Variants in CLSTN2 observed in about 807,000 individuals in gnomAD.
The protein encoded by CLSTN2 is calsyntenin-2.
A neutral mutation model predicts 101.2 loss-of-function variants in CLSTN2; 48 were observed. That is an observed-to-expected ratio of 0.47 (90% CI 0.38 to 0.60). The LOEUF (loss-of-function observed/expected upper bound fraction) is 0.60. Ranked by LOEUF, CLSTN2 falls within the 20% of genes least tolerant of loss-of-function variation. The probability of loss-of-function intolerance (pLI) is 0.00; values close to 1 mark genes in which losing one functional copy is unlikely to be tolerated. For missense variants in CLSTN2, 1,160 were observed against 1,238.2 expected, an observed-to-expected ratio of 0.94 and a Z score of 0.95; for synonymous variants, 481 against 463.6, an observed-to-expected ratio of 1.04 and a Z score of -0.48.
At chr3:140,392,417 A>G (rs769524132) in intron 2 of CLSTN2, among the ~76,000 whole-genome samples, 5 of 152,162 alleles carry the variant, frequency 3.3e-5, no homozygotes, top group Non-Finnish European at 7.4e-5. Context: ...CTAGGTTTTT[A>G]TCAGAAATAT....
chr3:140,386,624 G>A (rs936530067), intron 2 of CLSTN2, among the ~76,000 whole-genome samples: 5 of 152,194 alleles, frequency 3.3e-5, no homozygotes, highest in Admixed American at 3.3e-4. Flanking sequence ...CTCTGGGTGT[G>A]AGAACAAGCT....
At position 140,026,890 on chromosome 3, in the gene CLSTN2, G is replaced by A. The variant is rs533242394; in HGVS notation, c.109+91407G>A. ...GGTCACTTTTCCTCTTGGCTGGATC[G>A]CAGGTCCCTGAGCCAAGGTGGGAGA... On this transcript the variant is annotated intron_variant, in intron 1 of 16. Transcript: ENST00000458420. Among the ~76,000 whole-genome samples the A allele has an allele frequency of 5.8e-4, 89 of 152,308 alleles. No homozygotes were observed. The South Asian group carries it at 8.5e-3, about 15-fold the overall frequency.
intron 1 of CLSTN2, among the ~76,000 whole-genome samples, chr3:140,066,606 G>A (rs922569201): frequency 3.9e-5 from 6 of 152,174 alleles, no homozygotes; most frequent in African/African-American, 1.2e-4. Flanking sequence ...AAACAGGAGA[G>A]GCTGCTGCAT....
At chr3:140,034,635 T>A (rs1363736996) in intron 1 of CLSTN2, among the ~76,000 whole-genome samples, 2 of 152,206 alleles carry the variant, frequency 1.3e-5, no homozygotes, top group East Asian at 3.9e-4. Context: ...TCTTCTTCAG[T>A]TGGAATTCCA....
At chr3:140,560,443 T>C (rs1011555786) in intron 12 of CLSTN2, among the ~76,000 whole-genome samples, 1 of 152,246 alleles carries the variant, frequency 6.6e-6, no homozygotes, top group African/African-American at 2.4e-5. Flanking sequence ...CCTTGATTCC[T>C]GGCAAATATC....
At chr3:140,081,586 G>A (rs372483641) in intron 1 of CLSTN2, among the ~76,000 whole-genome samples, 2 of 152,078 alleles carry the variant, frequency 1.3e-5, no homozygotes, top group African/African-American at 4.8e-5. Context: ...TCACACTGGT[G>A]TATCCCTCCC....
At chr3:140,297,530 G>A (rs2087015189) in intron 2 of CLSTN2, among the ~76,000 whole-genome samples, 1 of 152,170 alleles carries the variant, frequency 6.6e-6, no homozygotes, top group South Asian at 2.1e-4. Context: ...AAAAGGGCCA[G>A]GTAAATGTTT....
chr3:139,997,610 A>C (rs1182163261), intron 1 of CLSTN2, among the ~76,000 whole-genome samples: 1 of 152,184 alleles, frequency 6.6e-6, no homozygotes, highest in Non-Finnish European at 1.5e-5. Context: ...TTCTGCCTTA[A>C]TCATTACACA....
chr3:140,107,148 G>T (rs1427178148), intron 1 of CLSTN2, among the ~76,000 whole-genome samples: 3 of 152,182 alleles, frequency 2.0e-5, no homozygotes, highest in Non-Finnish European at 2.9e-5. Context: ...TTTCTACAGA[G>T]CCCACAGGGA....
At chr3:140,323,234 C>T (rs1396715908) in intron 2 of CLSTN2, among the ~76,000 whole-genome samples, 1 of 152,154 alleles carries the variant, frequency 6.6e-6, no homozygotes, top group Non-Finnish European at 1.5e-5. Context: ...GAGTAGGGGG[C>T]TTTACGGAGG....
chr3:140,057,674 G>C (rs1248792972), intron 1 of CLSTN2, among the ~76,000 whole-genome samples: 1 of 152,006 alleles, frequency 6.6e-6, no homozygotes, highest in East Asian at 1.9e-4. Context: ...CCTTAATAAA[G>C]CAGAGACAAG....
chr3:140,462,782 C>T (rs2108018446), intron 7 of CLSTN2: 1 of 152,236 alleles, frequency 6.6e-6, no homozygotes, highest in South Asian at 2.1e-4. Flanking sequence ...CTACTTTGCC[C>T]AGAACACTCA....
intron 1 of CLSTN2, among the ~76,000 whole-genome samples, chr3:139,973,132 G>A (rs1935744917): frequency 6.6e-6 from 1 of 152,218 alleles, no homozygotes; most frequent in African/African-American, 2.4e-5. Context: ...CTGAGGTGAG[G>A]CCTTGTAGCC....
At chr3:140,082,890 C>T (rs566687607) in intron 1 of CLSTN2, among the ~76,000 whole-genome samples, 2 of 152,302 alleles carry the variant, frequency 1.3e-5, no homozygotes, top group South Asian at 4.1e-4. Context: ...TAGTAGCAAG[C>T]CCAGGTCTTG....
intron 5 of CLSTN2, among the ~76,000 whole-genome samples, chr3:140,433,876 G>A (rs1011467022): frequency 1.3e-5 from 2 of 152,164 alleles, no homozygotes; most frequent in Non-Finnish European, 2.9e-5. Flanking sequence ...ACCTTAGGCA[G>A]GTCATTTGAT....
intron 15 of CLSTN2, 46 bp downstream of exon 15, chr3:140,563,249 G>T (rs1411414255): frequency 6.3e-7 from 1 of 1,594,430 alleles, no homozygotes; most frequent in Non-Finnish European, 8.6e-7. Context: ...GGTCGTCATT[G>T]TGACTCAAGA....
chr3:140,295,683 A>T (rs888770974), intron 2 of CLSTN2, among the ~76,000 whole-genome samples: 1 of 152,226 alleles, frequency 6.6e-6, no homozygotes, highest in Non-Finnish European at 1.5e-5. Context: ...GATAAGTACA[A>T]ATACATTATA....
At chr3:140,290,497 G>T (rs1464985796) in intron 2 of CLSTN2, among the ~76,000 whole-genome samples, 1 of 152,154 alleles carries the variant, frequency 6.6e-6, no homozygotes, top group Non-Finnish European at 1.5e-5. Flanking sequence ...AGGGACAGGA[G>T]GAGAGACCTC....
At chr3:140,066,444 T>A (rs780974065) in intron 1 of CLSTN2, among the ~76,000 whole-genome samples, 1 of 152,236 alleles carries the variant, frequency 6.6e-6, no homozygotes, top group Non-Finnish European at 1.5e-5. Flanking sequence ...AATGACCCTG[T>A]GAAAGAAGAC....
Sources: allele counts gnomAD v4.1 joint callset (sites outside exome capture counted in the v4.1 genomes callset), GRCh38; gene constraint gnomAD v4.1.1; transcripts MANE v1.5; gene names NCBI Gene and HGNC (gene_info 2026-07-23, HGNC 2026-07-21).